BMP2K: variants seen among roughly 807,000 people sequenced by gnomAD.
BMP2K encodes BMP-2-inducible protein kinase.
In BMP2K, 74 loss-of-function variants were observed where a neutral mutation model predicts 116.0. The observed-to-expected ratio is 0.64, with a 90% CI of 0.53 to 0.77. The LOEUF is 0.77. BMP2K is among the 30% of genes least tolerant of loss of function. The probability of loss-of-function intolerance (pLI) is 0.00; values close to 1 mark genes in which losing one functional copy is unlikely to be tolerated. For missense variants in BMP2K, 1,365 were observed against 1,403.6 expected (o/e 0.97, Z 0.44); for synonymous variants, 486 against 502.5 (o/e 0.97, Z 0.44).
chr4:78,798,603 G>C (rs1728414594), intron 1 of BMP2K, among the ~76,000 whole-genome samples: 1 of 152,158 alleles, frequency 6.6e-6, no homozygotes, highest in Non-Finnish European at 1.5e-5. Flanking sequence ...GTATTCTTTA[G>C]GGAAACTCCA....
chr4:78,844,246 T>C (rs1015737832), intron 4 of BMP2K, among the ~76,000 whole-genome samples: 1 of 151,754 alleles, frequency 6.6e-6, no homozygotes, highest in African/African-American at 2.4e-5. Flanking sequence ...AGGAAACTAA[T>C]GCACATGAAT....
chr4:78,912,055 C>T lies in BMP2K; in HGVS notation c.*22C>T. On this transcript the variant is annotated 3_prime_UTR_variant, in exon 16 of 16. Coordinates refer to ENST00000502613, the MANE Select transcript of BMP2K (RefSeq NM_198892.2). ...GTAGATACTTCTGATGGATTCTCGG[C>T]ATTAACTCCTGTTTCAAAAAAGTGT... is the stretch of plus-strand genomic sequence containing the variant. The T allele has an allele frequency of 6.4e-7, 1 of 1,553,350 alleles. No individual in the cohort carries two copies. Among genetic ancestry groups the T allele is most frequent in the Non-Finnish European group, 8.7e-7 (1 of 1,146,346 alleles).
At chr4:78,823,538 T>A (rs1011231705) in intron 1 of BMP2K, among the ~76,000 whole-genome samples, 1 of 147,736 alleles carries the variant, frequency 6.8e-6, no homozygotes, top group Non-Finnish European at 1.5e-5. Context: ...ATATATATGG[T>A]TATATATATA....
At chr4:78,804,417 G>C (rs1728722883) in intron 1 of BMP2K, among the ~76,000 whole-genome samples, 2 of 152,108 alleles carry the variant, frequency 1.3e-5, no homozygotes, top group South Asian at 4.1e-4. Flanking sequence ...TTTTTGCGTG[G>C]ATATATATTT....
At chr4:78,789,103 T>C (rs756197609) in intron 1 of BMP2K, among the ~76,000 whole-genome samples, 7 of 152,120 alleles carry the variant, frequency 4.6e-5, no homozygotes, top group African/African-American at 7.2e-5. Flanking sequence ...AGTATTATAT[T>C]AACTGTAATT....
chr4:78,912,343 C>A lies in BMP2K; in HGVS notation c.*310C>A. The stretch of plus-strand genomic sequence containing the variant: ...CATGGCACCTTTCTAGGTGTGTAGC[C>A]ACTGAGAAGGGACAGTGAAACTGTT... On this transcript the variant is annotated 3_prime_UTR_variant, in exon 16 of 16. Transcript: ENST00000502613. The A allele has an allele frequency of 3.7e-6, 1 of 269,084 alleles. No homozygotes were observed. Among genetic ancestry groups the A allele is most frequent in the Non-Finnish European group, 7.0e-6 (1 of 143,268 alleles). 16.7% of individuals were successfully genotyped at this position (269,084 alleles called of 1,614,324 possible).
chr4:78,825,061 A>G (rs1398093707), intron 1 of BMP2K, among the ~76,000 whole-genome samples: 1 of 152,044 alleles, frequency 6.6e-6, no homozygotes, highest in Non-Finnish European at 1.5e-5. Context: ...AAAATTAGCC[A>G]GGTGTGGTGG....
intron 1 of BMP2K, among the ~76,000 whole-genome samples, chr4:78,794,307 A>T (rs1728149069): frequency 6.6e-6 from 1 of 152,162 alleles, no homozygotes; most frequent in Admixed American, 6.5e-5. Context: ...GAAAAGTTTT[A>T]ACAGACCGTC....
At chr4:78,902,180 A>G (rs1734041454) in intron 15 of BMP2K, among the ~76,000 whole-genome samples, 1 of 152,338 alleles carries the variant, frequency 6.6e-6, no homozygotes, top group South Asian at 2.1e-4. Context: ...AATGAGGCTC[A>G]GAAAGGTTCA....
intron 13 of BMP2K, among the ~76,000 whole-genome samples, chr4:78,874,482 G>A (rs565102498): frequency 6.6e-6 from 1 of 152,206 alleles, no homozygotes; most frequent in East Asian, 1.9e-4. Flanking sequence ...ATTGCTTAAA[G>A]ATACTGATGA....
rs3063772 is a variant in BMP2K at position 78,870,928 on chromosome 4, CCAGCAGCAGCAGCAG to C, written c.1389_1403del (p.Gln482_Gln486del). ...TCCATTTACAGCATCGTCATCCTCA[CCAGCAGCAGCAGCAG>C]CAGCAGCAGCAACAGCAACAGCAGC... On this transcript the variant is annotated inframe_deletion, in exon 11 of 16. Coordinates refer to ENST00000502613, the MANE Select transcript of BMP2K (RefSeq NM_198892.2). 8.9e-4 allele frequency: 1,418 copies of C among 1,599,332 alleles called. 9 individuals are homozygous for C. The African/African-American group carries it at 0.016, about 18-fold the overall frequency.
Position 78,911,009 on chromosome 4 carries a change from G to C in BMP2K, c.2462G>C (p.Arg821Thr), listed in dbSNP as rs185703833. The change falls in exon 16 of 16, where the codon AGA (arginine) becomes ACA (threonine). Residue 821 changes from arginine to threonine, a missense_variant. Arg to Thr is a moderately conservative substitution (Grantham distance 71). This residue lies in a region of BMP2K where 596 missense variants were observed against 623.2 expected (regional missense o/e 0.96). Coordinates refer to ENST00000502613, the MANE Select transcript of BMP2K (RefSeq NM_198892.2). The stretch of plus-strand genomic sequence containing the variant: ...TACAGTGACATGAGCTCTGTCTACA[G>C]AGACAGATCTGGCAGTGGACCAACC... ...AKYSDMSSVY[R>T]DRSGSGPTQD... 6.2e-7 allele frequency: 1 copy of C among 1,613,562 alleles called. No homozygotes were observed. The highest frequency in any genetic ancestry group is 2.2e-5 in the East Asian group (1 of 44,874).
At chr4:78,910,392 A>G (rs1032697601) in intron 15 of BMP2K, among the ~76,000 whole-genome samples, 2 of 152,228 alleles carry the variant, frequency 1.3e-5, no homozygotes, top group Admixed American at 6.5e-5. Context: ...TGTAGGGTCC[A>G]GATATGAATA....
chr4:78,831,098 ATTG>A (rs1284864451), intron 2 of BMP2K, among the ~76,000 whole-genome samples: 3 of 152,268 alleles, frequency 2.0e-5, no homozygotes, highest in Admixed American at 6.5e-5. Flanking sequence ...ACTCTTCAGT[ATTG>A]TTGTGTTTTA....
chr4:78,878,707 T>C (rs1732752962), intron 13 of BMP2K, 27 bp from the exon 14 acceptor site: 1 of 1,537,382 alleles, frequency 6.5e-7, no homozygotes, highest in Non-Finnish European at 8.8e-7. Flanking sequence ...TTCCATCTTC[T>C]TTTTTCTTAC....
chr4:78,885,751 T>C (rs895441013), intron 14 of BMP2K, among the ~76,000 whole-genome samples: 1 of 151,998 alleles, frequency 6.6e-6, no homozygotes, highest in Admixed American at 6.5e-5. Flanking sequence ...GGAAAGGAGG[T>C]AGAATGAGTC....
In BMP2K at chr4:78,911,418, G is replaced by A. The variant is rs1734592697; in HGVS notation, c.2871G>A (p.Val957=). ...GCAATGAGGACCTTTTTGGGCTTGT[G>A]CCCTTTGATGAAATAACGGGGAGCC... The part of the protein sequence containing the change: ...SESNEDLFGL[V]PFDEITGSQQ... Residue 957 remains valine, a synonymous_variant, in exon 16 of 16, where the codon GTG becomes GTA. Transcript: ENST00000502613. 6.2e-7 allele frequency: 1 copy of A among 1,613,896 alleles called. No individual in the cohort carries two copies. The highest frequency in any genetic ancestry group is 1.3e-5 in the African/African-American group (1 of 74,948).
At chr4:78,839,723 T>G (rs1051684459) in intron 3 of BMP2K, among the ~76,000 whole-genome samples, 1 of 152,168 alleles carries the variant, frequency 6.6e-6, no homozygotes, top group African/African-American at 2.4e-5. Flanking sequence ...CCAGTCCGAC[T>G]GCAAAAACTG....
chr4:78,783,362 A>G (rs537616261), intron 1 of BMP2K, among the ~76,000 whole-genome samples: 9 of 152,270 alleles, frequency 5.9e-5, no homozygotes, highest in African/African-American at 2.2e-4. Context: ...AGCTCCTAGG[A>G]TGTAATTTTG....
Sources: gnomAD v4.1 joint callset for allele counts (sites outside exome capture counted in the v4.1 genomes callset) on GRCh38, gnomAD v4.1.1 for gene constraint, gnomAD v4.1.1 regional missense constraint, MANE v1.5 for transcripts, NCBI Gene and HGNC (gene_info 2026-07-23, HGNC 2026-07-21) for gene names.